KHDRBS2: variants seen among roughly 807,000 people sequenced by gnomAD.
The protein encoded by KHDRBS2 is KH RNA binding domain containing, signal transduction associated 2.
A neutral mutation model predicts 44.3 loss-of-function variants in KHDRBS2; 26 were observed. The observed-to-expected ratio is 0.59, with a 90% CI of 0.43 to 0.81. KHDRBS2 has a LOEUF of 0.81. Ranked by LOEUF, KHDRBS2 falls within the 40% of genes least tolerant of loss-of-function variation. The probability of loss-of-function intolerance (pLI) is 0.00; values close to 1 mark genes in which losing one functional copy is unlikely to be tolerated. For synonymous variants in KHDRBS2, 194 were observed against 151.1 expected (o/e 1.28, Z -2.08); for missense variants, 476 against 433.1 (o/e 1.10, Z -0.88).
chr6:61,952,166 A>G (rs944336439), intron 4 of KHDRBS2, among the ~76,000 whole-genome samples: 1 of 152,024 alleles, frequency 6.6e-6, no homozygotes, highest in Non-Finnish European at 1.5e-5. Flanking sequence ...ACTTTGTTCC[A>G]TTTTTTACTT....
chr6:61,817,059 T>G lies in KHDRBS2; in HGVS notation c.810+77576A>C, dbSNP rs550450284. The G allele has an allele frequency of 1.9e-5, 8 of 412,450 alleles. No homozygotes were observed. The East Asian group carries it at 4.3e-4, about 22-fold the overall frequency. 25.5% of individuals were successfully genotyped at this position (412,450 alleles called of 1,614,324 possible). A position where few individuals can be genotyped will look rare whatever the true frequency, so the allele number is the denominator to read the frequency against. ...ATGAGTTCTATATTTGTGGATAATATTCAGGTTTTCTAAAAAAACTTTCCA... is the reference window on the plus strand; with the variant it reads ...ATGAGTTCTATATTTGTGGATAATAGTCAGGTTTTCTAAAAAAACTTTCCA... On this transcript the variant is annotated intron_variant, in intron 6 of 8. Coordinates refer to ENST00000281156, the MANE Select transcript of KHDRBS2 (RefSeq NM_152688.4).
downstream of KHDRBS2, among the ~76,000 whole-genome samples, chr6:61,675,984 G>A (rs551563969): frequency 4.6e-5 from 7 of 151,864 alleles, 1 homozygote; most frequent in South Asian, 1.5e-3. Flanking sequence ...CTTGCATGAG[G>A]TGGATGTCAG....
chr6:61,688,682 G>T (rs543188455), intron 8 of KHDRBS2, among the ~76,000 whole-genome samples: 160 of 152,018 alleles, frequency 1.1e-3, no homozygotes, highest in Middle Eastern at 3.4e-3. Context: ...CAGGTTTTCA[G>T]CTCTACAAAT....
chr6:62,199,757 A>C (rs1307696833), intron 1 of KHDRBS2, among the ~76,000 whole-genome samples: 3 of 152,182 alleles, frequency 2.0e-5, no homozygotes, highest in Non-Finnish European at 2.9e-5. Context: ...ATGGAACCAA[A>C]AAAGAGCCCG....
chr6:62,098,251 T>TC (rs1007110141), intron 2 of KHDRBS2, among the ~76,000 whole-genome samples: 6 of 151,806 alleles, frequency 4.0e-5, no homozygotes, highest in Non-Finnish European at 8.8e-5. Flanking sequence ...AACGTTTTTT[T>TC]TTTTTTTTTT....
intron 6 of KHDRBS2, among the ~76,000 whole-genome samples, chr6:61,769,923 G>T (rs575839518): frequency 1.3e-5 from 2 of 152,306 alleles, no homozygotes; most frequent in South Asian, 2.1e-4. Context: ...TAGCCTAACT[G>T]GGAGGCACCC....
At chr6:62,014,518 TC>T (rs559570208) in intron 3 of KHDRBS2, among the ~76,000 whole-genome samples, 75 of 152,270 alleles carry the variant, frequency 4.9e-4, no homozygotes, top group African/African-American at 1.7e-3. Context: ...GTCTCTGATT[TC>T]TTTTGAACAC....
chr6:61,545,875 T>C, the KHDRBS2 span, among the ~76,000 whole-genome samples: 1 of 152,042 alleles, frequency 6.6e-6, no homozygotes, highest in African/African-American at 2.4e-5. Flanking sequence ...AAAAGCCAGG[T>C]AAGCACAGAG....
rs1422702777 is a variant in KHDRBS2 at position 61,720,843 on chromosome 6, A to G, written c.893+11839T>C. ...ATTGCTTTTGGTGTTTTAGACATGA[A>G]GTCCTTGCCCATGCCTATGTCCTGA... On this transcript the variant is annotated intron_variant, in intron 7 of 8. Coordinates refer to ENST00000281156, the MANE Select transcript of KHDRBS2 (RefSeq NM_152688.4). 4.6e-5 allele frequency among the ~76,000 whole-genome samples: 7 copies of G among 151,232 alleles called. No homozygotes were observed. The East Asian group carries it at 1.4e-3, about 29-fold the overall frequency.
At chr6:61,545,501 C>CTGTGTG in the KHDRBS2 span, among the ~76,000 whole-genome samples, 26,052 of 148,304 alleles carry the variant, frequency 0.18, 2,655 homozygotes, top group African/African-American at 0.28. Flanking sequence ...TAGCTAATCT[C>CTGTGTG]TGTGTGTGTG....
At chr6:61,770,529 T>A (rs1259040971) in intron 6 of KHDRBS2, among the ~76,000 whole-genome samples, 1 of 152,078 alleles carries the variant, frequency 6.6e-6, no homozygotes, top group Non-Finnish European at 1.5e-5. Context: ...ACGAGAGCTA[T>A]GTGACGAATG....
chr6:61,569,568 G>A, the KHDRBS2 span, among the ~76,000 whole-genome samples: 2 of 152,122 alleles, frequency 1.3e-5, no homozygotes, highest in African/African-American at 2.4e-5. Context: ...CAACATCCTG[G>A]CTAATCAGAG....
chr6:61,621,634 A>T, the KHDRBS2 span, among the ~76,000 whole-genome samples: 1 of 152,194 alleles, frequency 6.6e-6, no homozygotes, highest in Non-Finnish European at 1.5e-5. Flanking sequence ...AAATATTTTT[A>T]TACTTGTGGT....
chr6:61,588,871 G>C, the KHDRBS2 span, among the ~76,000 whole-genome samples: 1 of 152,080 alleles, frequency 6.6e-6, no homozygotes, highest in Admixed American at 6.5e-5. Context: ...ATAAACCATG[G>C]AATACAACGC....
chr6:62,052,398 C>A (rs1295482534), intron 2 of KHDRBS2, among the ~76,000 whole-genome samples: 2 of 151,388 alleles, frequency 1.3e-5, no homozygotes, highest in Admixed American at 6.6e-5. Flanking sequence ...TGGATGATCT[C>A]ATTTATATAT....
chr6:62,246,102 T>TTATATATATA lies in KHDRBS2; in HGVS notation c.91+39746_91+39755dup, dbSNP rs150717074. Among the ~76,000 whole-genome samples the TTATATATATA allele has an allele frequency of 5.2e-3, 645 of 124,234 alleles. 5 individuals are homozygous for TTATATATATA. The highest frequency in any genetic ancestry group is 7.5e-3 in the African/African-American group (258 of 34,426). 81.5% of individuals were successfully genotyped at this position (124,234 alleles called of 152,430 possible). ...CATAGAAACATTAATTCAATCAATTTTATATATATATATATATATATATAT... is the reference window on the plus strand; with the variant it reads ...CATAGAAACATTAATTCAATCAATTTTATATATATATATATATATATATATATATATATAT... On this transcript the variant is annotated intron_variant, in intron 1 of 8. Transcript: ENST00000281156.
At chr6:61,773,595 C>A (rs898394824) in intron 6 of KHDRBS2, among the ~76,000 whole-genome samples, 1 of 147,818 alleles carries the variant, frequency 6.8e-6, no homozygotes, top group African/African-American at 2.5e-5. Flanking sequence ...TTGTAGGTTG[C>A]CTGTTCACTC....
At chr6:61,631,045 C>A in the KHDRBS2 span, among the ~76,000 whole-genome samples, 22,475 of 151,618 alleles carry the variant, frequency 0.15, 2,099 homozygotes, top group South Asian at 0.27. Context: ...AAATTTGATC[C>A]AAATTTTGGA....
At chr6:61,552,899 C>T in the KHDRBS2 span, among the ~76,000 whole-genome samples, 1 of 152,042 alleles carries the variant, frequency 6.6e-6, no homozygotes, top group Non-Finnish European at 1.5e-5. Flanking sequence ...ATTTGGTTTG[C>T]TAATATTTTA....
Sources: gnomAD v4.1 joint callset for allele counts (sites outside exome capture counted in the v4.1 genomes callset) on GRCh38, gnomAD v4.1.1 for gene constraint, MANE v1.5 for transcripts, NCBI Gene and HGNC (gene_info 2026-07-23, HGNC 2026-07-21) for gene names.